The following AP5M1 variants were observed in gnomAD, a reference collection of about 807,000 sequenced individuals.
AP5M1 encodes adaptor related protein complex 5 subunit mu 1.
A neutral mutation model predicts 52.3 loss-of-function variants in AP5M1; 44 were observed. That is an observed-to-expected ratio of 0.84 (90% confidence interval 0.66 to 1.08). AP5M1 has a LOEUF of 1.08. AP5M1 is among the 50% of genes least tolerant of loss of function. The pLI, the probability that AP5M1 is intolerant of heterozygous loss-of-function variation, is 0.00. For synonymous variants in AP5M1, 213 were observed against 199.0 expected (o/e 1.07, Z -0.59); for missense variants, 526 against 568.4 (o/e 0.93, Z 0.76).
At chr14:57,272,303 G>A (rs1884913869) in intron 1 of AP5M1, among the ~76,000 whole-genome samples, 1 of 152,038 alleles carries the variant, frequency 6.6e-6, no homozygotes, top group South Asian at 2.1e-4. Flanking sequence ...ACACAGATAG[G>A]CACTGACACT....
At chr14:57,283,073 C>T (rs201913572) in intron 5 of AP5M1, 39 bp from the exon 6 acceptor site, 12 of 1,575,006 alleles carry the variant, frequency 7.6e-6, no homozygotes, top group East Asian at 2.2e-5. Context: ...GTAGAATCTA[C>T]TTAATTTAGA....
In AP5M1 at chr14:57,274,448, C is replaced by G; in HGVS notation, c.279C>G (p.Leu93=). The G allele has an allele frequency of 6.2e-7, 1 of 1,614,172 alleles. No individual in the cohort carries two copies. The change falls in exon 2 of 8, where the codon CTC becomes CTG. Residue 93 remains leucine (L), a synonymous_variant. Coordinates refer to ENST00000261558, the MANE Select transcript of AP5M1 (RefSeq NM_018229.4). ...IYGLLIGGEE[L]WPVVAFLKND... is the part of the protein sequence containing the mutation. Reference sequence around the variant, plus strand: ...GACTCCTGATAGGAGGTGAAGAACTCTGGCCAGTTGTTGCTTTTCTGAAGA... The same window carrying G: ...GACTCCTGATAGGAGGTGAAGAACTGTGGCCAGTTGTTGCTTTTCTGAAGA...
At chr14:57,275,049 C>T (rs781247067) in intron 2 of AP5M1, 160 bp downstream of exon 2, 57 of 729,254 alleles carry the variant, frequency 7.8e-5, no homozygotes, top group Non-Finnish European at 1.1e-4. Flanking sequence ...TTTTTGCATT[C>T]CTTACCAATT....
intron 1 of AP5M1, among the ~76,000 whole-genome samples, chr14:57,269,886 G>A (rs904489018): frequency 6.6e-6 from 1 of 152,152 alleles, no homozygotes; most frequent in Non-Finnish European, 1.5e-5. Flanking sequence ...TCCGCTCACT[G>A]CAAGCTCCGC....
At chr14:57,272,539 T>C (rs551598282) in intron 1 of AP5M1, among the ~76,000 whole-genome samples, 2 of 152,330 alleles carry the variant, frequency 1.3e-5, no homozygotes, top group East Asian at 3.9e-4. Context: ...AAGCATATAA[T>C]AAATTAGAAA....
intron 2 of AP5M1, among the ~76,000 whole-genome samples, chr14:57,275,621 A>G (rs1885016434): frequency 6.6e-6 from 1 of 152,202 alleles, no homozygotes; most frequent in Non-Finnish European, 1.5e-5. Flanking sequence ...CCACCTATGA[A>G]AAGAGTAATG....
chr14:57,271,639 T>C (rs1056627882), intron 1 of AP5M1, among the ~76,000 whole-genome samples: 1 of 152,174 alleles, frequency 6.6e-6, no homozygotes, highest in African/African-American at 2.4e-5. Context: ...GTCAATTAAC[T>C]TTATGTTGCC....
At chr14:57,280,504 G>T (rs1885146545) in intron 3 of AP5M1, 82 bp downstream of exon 3, 3 of 933,156 alleles carry the variant, frequency 3.2e-6, no homozygotes, top group Non-Finnish European at 1.7e-6. Context: ...CATACTCTTG[G>T]TATGAGAACT....
intron 2 of AP5M1, among the ~76,000 whole-genome samples, chr14:57,279,709 G>T (rs1053963076): frequency 6.6e-6 from 1 of 152,134 alleles, no homozygotes; most frequent in Non-Finnish European, 1.5e-5. Context: ...TAAAAAGGAG[G>T]TAGATGACAG....
In AP5M1 at chr14:57,291,280, A is replaced by C. The variant is rs1359362936; in HGVS notation, c.*2396A>C. The C allele has an allele frequency of 2.6e-5, 4 of 151,922 alleles. No individual in the cohort carries two copies. Among genetic ancestry groups the C allele is most frequent in the Non-Finnish European group, 5.9e-5 (4 of 67,862 alleles). 9.4% of individuals were successfully genotyped at this position (151,922 alleles called of 1,614,324 possible). ...TTGGATAGTGTCAGACCTTCTCTAGATGCAAAATTGCTAAATTCCCTTTTA... is the reference window on the plus strand; with the variant it reads ...TTGGATAGTGTCAGACCTTCTCTAGCTGCAAAATTGCTAAATTCCCTTTTA... On this transcript the variant is annotated 3_prime_UTR_variant, in exon 8 of 8. Transcript: ENST00000261558.
At chr14:57,276,995 C>T (rs796164719) in intron 2 of AP5M1, among the ~76,000 whole-genome samples, 28 of 152,236 alleles carry the variant, frequency 1.8e-4, no homozygotes, top group African/African-American at 6.3e-4. Flanking sequence ...TTATCCTACT[C>T]GGTAGAAAAC....
rs1702631810 is a variant in AP5M1, at chr14:57,298,323, C to T, written c.*9439C>T. On this transcript the variant is annotated 3_prime_UTR_variant, in exon 8 of 8. Coordinates refer to ENST00000261558, the MANE Select transcript of AP5M1 (RefSeq NM_018229.4). The stretch of plus-strand genomic sequence containing the variant: ...TTCCAAGTGATTATTTAGAACATTT[C>T]CATTAACCATAAAGGCAAAGTGGTA... 1 of 152,096 alleles carries T rather than the reference C, an allele frequency of 6.6e-6. No homozygotes were observed. Among genetic ancestry groups the T allele is most frequent in the Non-Finnish European group, 1.5e-5 (1 of 68,022 alleles). 9.4% of individuals were successfully genotyped at this position (152,096 alleles called of 1,614,324 possible). A position where few individuals can be genotyped will look rare whatever the true frequency, so the allele number is the denominator to read the frequency against.
rs1884811339 is a variant in AP5M1 at position 57,269,235 on chromosome 14, C to A, written c.-80C>A. ...GAGCCTCAGGGCTTCTGTTAAGAGT[C>A]TGTCTGAGAAAGCCGGTCTGCGCTG... is the stretch of plus-strand genomic sequence containing the variant. On this transcript the variant is annotated 5_prime_UTR_variant, in exon 1 of 8. In the 5' UTR this introduces an upstream ATG that the reference lacks. Coordinates refer to ENST00000261558, the MANE Select transcript of AP5M1 (RefSeq NM_018229.4). The A allele has an allele frequency of 3.0e-6, 4 of 1,353,592 alleles. No individual in the cohort carries two copies. In the African/African-American group the frequency reaches 5.8e-5, roughly 20 times the overall value. The allele number at this position is 1,353,592 out of a possible 1,614,324, so 83.8% of individuals were successfully genotyped here.
intron 1 of AP5M1, among the ~76,000 whole-genome samples, chr14:57,273,404 T>C (rs1473505272): frequency 1.3e-5 from 2 of 152,178 alleles, no homozygotes; most frequent in Non-Finnish European, 2.9e-5. Flanking sequence ...AAAGGGAAGT[T>C]AAGTGATTTA....
chr14:57,280,351 T>C lies in AP5M1; in HGVS notation c.877T>C (p.Phe293Leu), dbSNP rs1885141817. 6.2e-7 allele frequency: 1 copy of C among 1,613,970 alleles called. No individual in the cohort carries two copies. The highest frequency in any genetic ancestry group is 1.1e-5 in the South Asian group (1 of 91,086). Reference sequence around the variant, plus strand: ...TATTGATGCAATGGATGACTCTGCATTTAGTGGGCCTTACAAATTTCCATT... The same window carrying C: ...TATTGATGCAATGGATGACTCTGCACTTAGTGGGCCTTACAAATTTCCATT... ...SSIDAMDDSA[F>L]SGPYKFPFTP... The change falls in exon 3 of 8, where the codon TTT (phenylalanine) becomes CTT (leucine). Residue 293 changes from phenylalanine to leucine, a missense_variant. This residue lies in a region of AP5M1 where 425 missense variants were observed against 430.6 expected (regional missense o/e 0.99). Coordinates refer to ENST00000261558, the MANE Select transcript of AP5M1 (RefSeq NM_018229.4).
intron 2 of AP5M1, among the ~76,000 whole-genome samples, chr14:57,276,133 T>C (rs903060397): frequency 2.6e-5 from 4 of 152,162 alleles, no homozygotes; most frequent in Non-Finnish European, 5.9e-5. Flanking sequence ...TAAACTCATA[T>C]CTATCATGGT....
chr14:57,269,578 G>T (rs1884825943), intron 1 of AP5M1, among the ~76,000 whole-genome samples, 190 bp downstream of exon 1: 2 of 152,102 alleles, frequency 1.3e-5, no homozygotes. Flanking sequence ...TGTGAGAATT[G>T]AGTTGATGAC....
intron 2 of AP5M1, 200 bp downstream of exon 2, chr14:57,275,089 T>C (rs1884993879): frequency 3.3e-6 from 2 of 607,896 alleles, no homozygotes; most frequent in Non-Finnish European, 5.7e-6. Flanking sequence ...GTGTAAAGAA[T>C]TGTCTCATTG....
chr14:57,279,300 C>T (rs907741350), intron 2 of AP5M1, among the ~76,000 whole-genome samples: 1 of 152,036 alleles, frequency 6.6e-6, no homozygotes, highest in Non-Finnish European at 1.5e-5. Context: ...CAGTGATAGA[C>T]TGAATAAAGA....
Sources: allele counts gnomAD v4.1 joint callset (sites outside exome capture counted in the v4.1 genomes callset), GRCh38; gene constraint gnomAD v4.1.1; regional missense constraint gnomAD v4.1.1; transcripts MANE v1.5; gene names NCBI Gene and HGNC (gene_info 2026-07-23, HGNC 2026-07-21).